Variants in LAMA2 observed in about 807,000 individuals in gnomAD.
LAMA2 encodes laminin subunit alpha 2.
Under a neutral mutation model 364.8 loss-of-function variants are expected in LAMA2, and 269 were observed. The observed-to-expected ratio is 0.74, with a 90% confidence interval of 0.67 to 0.82. LAMA2 has a LOEUF of 0.82. LAMA2 is among the 40% of genes least tolerant of loss of function. LAMA2 has a pLI of 0.00. For missense variants in LAMA2, 3,807 were observed against 3,873.2 expected, an observed-to-expected ratio of 0.98 and a Z score of 0.45; for synonymous variants, 1,379 against 1,370.6, an observed-to-expected ratio of 1.01 and a Z score of -0.14.
intron 3 of LAMA2, among the ~76,000 whole-genome samples, chr6:129,089,422 T>G (rs1256713265): frequency 6.6e-6 from 1 of 152,248 alleles, no homozygotes; most frequent in Non-Finnish European, 1.5e-5. Context: ...TGCCAGGTAT[T>G]TCTCCAGGGT....
At chr6:129,478,653 T>TA in intron 53 of LAMA2, 40 bp from the exon 54 acceptor site, 2 of 1,608,684 alleles carry the variant, frequency 1.2e-6, no homozygotes, top group Non-Finnish European at 1.7e-6. Context: ...ACCATCACCC[T>TA]AATGATATTG....
intron 4 of LAMA2, among the ~76,000 whole-genome samples, chr6:129,135,858 C>A (rs994680295): frequency 6.6e-6 from 1 of 152,160 alleles, no homozygotes; most frequent in Non-Finnish European, 1.5e-5. Flanking sequence ...GATTGAGAAG[C>A]TCTATTTTGA....
In LAMA2 at chr6:129,357,322, T is replaced by G. The variant is rs141008378; in HGVS notation, c.4717+3965T>G. Among the ~76,000 whole-genome samples the G allele has an allele frequency of 1.1e-3, 167 of 152,154 alleles. 1 individual carries two copies. Among genetic ancestry groups the G allele is most frequent in the African/African-American group, 3.7e-3 (155 of 41,566 alleles). On this transcript the variant is annotated intron_variant, in intron 32 of 64. Coordinates refer to ENST00000421865, the MANE Select transcript of LAMA2 (RefSeq NM_000426.4). Reference sequence around the variant, plus strand: ...ATTATGAGTGGCATAGTAAAATGTATTACTCTCCTAGAGAACAGAAATTAA... The same window carrying G: ...ATTATGAGTGGCATAGTAAAATGTAGTACTCTCCTAGAGAACAGAAATTAA...
intron 1 of LAMA2, among the ~76,000 whole-genome samples, chr6:128,922,292 C>T (rs1778790239): frequency 6.6e-6 from 1 of 150,998 alleles, no homozygotes; most frequent in African/African-American, 2.4e-5. Flanking sequence ...CACTGACTTC[C>T]ACAATGGTTG....
In LAMA2 at chr6:129,328,324, G is replaced by A. The variant is rs751858884; in HGVS notation, c.4223G>A (p.Arg1408His). 17 of 1,613,976 alleles carry A rather than the reference G, an allele frequency of 1.1e-5. No individual in the cohort carries two copies. Among genetic ancestry groups the A allele is most frequent in the African/African-American group, 5.3e-5 (4 of 74,908 alleles). Residue 1408 changes from arginine (R) to histidine (H), a missense_variant, in exon 29 of 65, where the codon CGC becomes CAC. By Grantham distance (29) the Arg-to-His change is conservative (BLOSUM62 0). Transcript: ENST00000421865. ...FYRLRSQPGG[R>H]TPGPTLGTCV... Reference sequence around the variant, plus strand: ...CGACTGCGTTCTCAACCAGGTGGCCGCACCCCTGGACCAACCCTGGGCACC... The same window carrying A: ...CGACTGCGTTCTCAACCAGGTGGCCACACCCCTGGACCAACCCTGGGCACC...
intron 34 of LAMA2, among the ~76,000 whole-genome samples, chr6:129,377,437 T>C (rs1377329678): frequency 6.6e-6 from 1 of 152,154 alleles, no homozygotes; most frequent in Admixed American, 6.5e-5. Flanking sequence ...GGTTTGGAAC[T>C]TTTAAAATTG....
intron 1 of LAMA2, among the ~76,000 whole-genome samples, chr6:128,931,829 G>A (rs1779499873): frequency 6.6e-6 from 1 of 152,118 alleles, no homozygotes; most frequent in African/African-American, 2.4e-5. Flanking sequence ...TTACATTACA[G>A]AATTGTTACT....
At chr6:129,436,673 G>A (rs191961554) in intron 41 of LAMA2, among the ~76,000 whole-genome samples, 4 of 152,116 alleles carry the variant, frequency 2.6e-5, no homozygotes, top group Non-Finnish European at 4.4e-5. Context: ...CAATCTGCAC[G>A]TCCACTAGCA....
In LAMA2 at chr6:129,288,071, C is replaced by T. The variant is rs1789404416; in HGVS notation, c.2749+13C>T. On this transcript the variant is annotated intron_variant, in intron 19 of 64. Coordinates refer to ENST00000421865, the MANE Select transcript of LAMA2 (RefSeq NM_000426.4). ...AAGAACTGTCAGCGTAAGTCCTGAA[C>T]TATTGATGCCCCTGACAGAATTGAT... 2.5e-6 allele frequency: 4 copies of T among 1,604,564 alleles called. No individual in the cohort carries two copies. Among genetic ancestry groups the T allele is most frequent in the Non-Finnish European group, 3.4e-6 (4 of 1,171,278 alleles).
In LAMA2 at chr6:129,323,770, G is replaced by A. The variant is rs1234028321; in HGVS notation, c.4176+3115G>A. 1.4e-4 allele frequency among the ~76,000 whole-genome samples: 22 copies of A among 152,180 alleles called. 1 individual carries two copies. Among genetic ancestry groups the A allele is most frequent in the Non-Finnish European group, 5.9e-5 (4 of 68,024 alleles). On this transcript the variant is annotated intron_variant, in intron 28 of 64. Transcript: ENST00000421865. ...ATGGAAAATATTCAGCCTTGCGTGT[G>A]CAGCTCTCTGCAGTAATACGGAAAT...
rs1479567928 is a variant in LAMA2, at chr6:129,391,625, C to T, written c.5206C>T (p.Gln1736Ter). 1 of 1,613,776 alleles carries T rather than the reference C, an allele frequency of 6.2e-7. No individual in the cohort carries two copies. Among genetic ancestry groups the T allele is most frequent in the South Asian group, 1.1e-5 (1 of 91,064 alleles). Residue 1736 changes from glutamine (Q) to a stop codon, truncating the protein, a stop_gained, in exon 36 of 65, where the codon CAA becomes TAA. Transcript: ENST00000421865. LOFTEE classifies it high-confidence loss of function. ...KELRRKNLET[Q>*]KEIAEDELVA... Reference sequence around the variant, plus strand: ...ACTGAGGAGGAAAAATCTAGAGACACAAAAGGAAATTGCTGAAGATGAGTT... The same window carrying T: ...ACTGAGGAGGAAAAATCTAGAGACATAAAAGGAAATTGCTGAAGATGAGTT...
chr6:129,500,877 G>C (rs987414803), intron 58 of LAMA2, among the ~76,000 whole-genome samples: 1 of 152,120 alleles, frequency 6.6e-6, no homozygotes, highest in Non-Finnish European at 1.5e-5. Flanking sequence ...TTTACATATA[G>C]TAATTAGACG....
intron 55 of LAMA2, among the ~76,000 whole-genome samples, chr6:129,482,100 G>A (rs1784376941): frequency 6.6e-6 from 1 of 152,090 alleles, no homozygotes; most frequent in Admixed American, 6.5e-5. Flanking sequence ...GAGCCCAGGA[G>A]TTTGAAACTA....
At chr6:129,299,786 C>A (rs1165290166) in intron 21 of LAMA2, among the ~76,000 whole-genome samples, 1 of 152,118 alleles carries the variant, frequency 6.6e-6, no homozygotes, top group Non-Finnish European at 1.5e-5. Flanking sequence ...ATGCTGTGAG[C>A]AATGAATATT....
chr6:129,038,082 T>C (rs1786790391), intron 1 of LAMA2, among the ~76,000 whole-genome samples: 1 of 152,184 alleles, frequency 6.6e-6, no homozygotes, highest in South Asian at 2.1e-4. Context: ...TTAAAGATAG[T>C]GAAAATAAAG....
chr6:129,352,187 A>G (rs1421174580), intron 31 of LAMA2, among the ~76,000 whole-genome samples: 2 of 152,216 alleles, frequency 1.3e-5, no homozygotes, highest in Non-Finnish European at 2.9e-5. Flanking sequence ...AATTAAGCCA[A>G]AACAACAGGT....
At chr6:129,491,782 A>G (rs1388603467) in intron 56 of LAMA2, 119 bp from the exon 57 acceptor site, 10 of 800,700 alleles carry the variant, frequency 1.2e-5, no homozygotes, top group African/African-American at 6.8e-5. Flanking sequence ...TAAGCATCCA[A>G]TTTTGGCTCC....
At chr6:128,982,417 T>C (rs1409099209) in intron 1 of LAMA2, among the ~76,000 whole-genome samples, 2 of 152,208 alleles carry the variant, frequency 1.3e-5, no homozygotes, top group Non-Finnish European at 2.9e-5. Context: ...CTACGACTTC[T>C]GACAATTTTA....
chr6:128,944,679 T>C (rs546275048), intron 1 of LAMA2, among the ~76,000 whole-genome samples: 1 of 148,112 alleles, frequency 6.8e-6, no homozygotes, highest in African/African-American at 2.5e-5. Context: ...GACGATTAAG[T>C]GGTTCTAGAT....
Sources: gnomAD v4.1 joint callset for allele counts (sites outside exome capture counted in the v4.1 genomes callset) on GRCh38, gnomAD v4.1.1 for gene constraint, MANE v1.5 for transcripts, NCBI Gene and HGNC (gene_info 2026-07-23, HGNC 2026-07-21) for gene names.